CCSER1: variants seen among roughly 807,000 people sequenced by gnomAD.
The protein encoded by CCSER1 is coiled-coil serine rich protein 1, also known as serine-rich coiled-coil domain-containing protein 1.
A neutral mutation model predicts 82.0 loss-of-function variants in CCSER1; 41 were observed. The ratio of observed to expected loss-of-function variants is 0.50; its 90% CI spans 0.39 to 0.65. CCSER1 has a LOEUF of 0.65. Ranked by LOEUF, CCSER1 falls within the 30% of genes least tolerant of loss-of-function variation. CCSER1 has a pLI of 0.00. For missense variants in CCSER1, 1,119 were observed against 1,064.2 expected (o/e 1.05, Z -0.72); for synonymous variants, 414 against 383.9 (o/e 1.08, Z -0.92).
chr4:90,160,447 A>G (rs557784587), intron 1 of CCSER1, among the ~76,000 whole-genome samples: 2 of 152,330 alleles, frequency 1.3e-5, no homozygotes, highest in African/African-American at 2.4e-5. Context: ...TAGGAGGACT[A>G]TCAGGAGATT....
At chr4:90,700,374 A>G (rs1737829847) in intron 6 of CCSER1, among the ~76,000 whole-genome samples, 1 of 152,050 alleles carries the variant, frequency 6.6e-6, no homozygotes, top group African/African-American at 2.4e-5. Flanking sequence ...ACATTTTCTT[A>G]ATTCAGTCTA....
intron 6 of CCSER1, among the ~76,000 whole-genome samples, chr4:90,649,250 G>A (rs1053635935): frequency 6.6e-6 from 1 of 152,162 alleles, no homozygotes; most frequent in Non-Finnish European, 1.5e-5. Flanking sequence ...AGAATATGGA[G>A]TGTGGCAGTG....
At chr4:91,585,389 A>G (rs1187782395) in intron 10 of CCSER1, among the ~76,000 whole-genome samples, 2 of 151,450 alleles carry the variant, frequency 1.3e-5, no homozygotes, top group Non-Finnish European at 3.0e-5. Context: ...TTTGTCAAAC[A>G]CTTACTTTAT....
chr4:90,588,301 CCCTGCT>C (rs1782266532), intron 5 of CCSER1, among the ~76,000 whole-genome samples: 1 of 152,298 alleles, frequency 6.6e-6, no homozygotes. Flanking sequence ...TCCTCTTAAA[CCCTGCT>C]CCTGCTTTAT....
intron 5 of CCSER1, among the ~76,000 whole-genome samples, chr4:90,593,165 C>T (rs187532528): frequency 1.3e-5 from 2 of 152,102 alleles, no homozygotes; most frequent in East Asian, 3.9e-4. Flanking sequence ...TTAATCACAT[C>T]ATAGGAAAAC....
chr4:90,607,898 A>C (rs1156334286), intron 5 of CCSER1, among the ~76,000 whole-genome samples: 1 of 152,042 alleles, frequency 6.6e-6, no homozygotes, highest in Non-Finnish European at 1.5e-5. Context: ...TGAAAGAAAG[A>C]CTCCACTTAA....
intron 6 of CCSER1, among the ~76,000 whole-genome samples, chr4:90,673,881 C>T (rs951272814): frequency 2.0e-5 from 3 of 151,974 alleles, no homozygotes; most frequent in African/African-American, 7.2e-5. Context: ...TAAATTTAGC[C>T]AGTAATTGGG....
chr4:90,859,939 G>T (rs892223325), intron 8 of CCSER1, among the ~76,000 whole-genome samples: 2 of 151,426 alleles, frequency 1.3e-5, no homozygotes, highest in Non-Finnish European at 3.0e-5. Flanking sequence ...TTAAAAATTT[G>T]ATATAATTTT....
At chr4:90,213,641 G>T (rs1740455330) in intron 1 of CCSER1, among the ~76,000 whole-genome samples, 1 of 152,178 alleles carries the variant, frequency 6.6e-6, no homozygotes, top group Non-Finnish European at 1.5e-5. Context: ...AATGCTTGGT[G>T]AGGGACAAGC....
chr4:91,154,242 T>A (rs2148960874), intron 10 of CCSER1, among the ~76,000 whole-genome samples: 1 of 152,112 alleles, frequency 6.6e-6, no homozygotes. Context: ...TGCTGCCACC[T>A]TGCAGTTTGA....
intron 10 of CCSER1, among the ~76,000 whole-genome samples, chr4:91,237,682 G>A (rs938648505): frequency 1.9e-4 from 29 of 152,076 alleles, no homozygotes; most frequent in African/African-American, 7.0e-4. Context: ...TGAAGGTTCA[G>A]GGCAAACTCT....
chr4:90,459,941 T>C (rs554172556), intron 4 of CCSER1, among the ~76,000 whole-genome samples: 2 of 152,342 alleles, frequency 1.3e-5, no homozygotes, highest in African/African-American at 4.8e-5. Flanking sequence ...ATGGAGTTCA[T>C]AACTTTTGCT....
intron 1 of CCSER1, among the ~76,000 whole-genome samples, chr4:90,151,327 A>G (rs954507759): frequency 4.6e-5 from 7 of 152,076 alleles, no homozygotes; most frequent in Non-Finnish European, 7.4e-5. Context: ...TGGTTTCTTC[A>G]TAAAGATATA....
chr4:90,161,002 C>T (rs985913520), intron 1 of CCSER1, among the ~76,000 whole-genome samples: 4 of 151,978 alleles, frequency 2.6e-5, no homozygotes, highest in African/African-American at 4.8e-5. Flanking sequence ...AATCCAGCTG[C>T]CAAAAAGATA....
In CCSER1 at chr4:90,215,244, A is replaced by G. The variant is rs1003602649; in HGVS notation, c.-42+87413A>G. Reference sequence around the variant, plus strand: ...AGTGAAGCATTATCATCAGCAATACATGATTACATTGTAGCCTTTCTTTAC... The same window carrying G: ...AGTGAAGCATTATCATCAGCAATACGTGATTACATTGTAGCCTTTCTTTAC... On this transcript the variant is annotated intron_variant, in intron 1 of 10. Coordinates refer to ENST00000509176, the MANE Select transcript of CCSER1 (RefSeq NM_001145065.2). Among the ~76,000 whole-genome samples, 2 of 152,334 alleles carry G rather than the reference A, an allele frequency of 1.3e-5. 1 individual carries two copies. The highest frequency in any genetic ancestry group is 6.8e-3 in the Middle Eastern group (2 of 294).
At chr4:91,042,767 C>G (rs1377760507) in intron 9 of CCSER1, among the ~76,000 whole-genome samples, 1 of 151,948 alleles carries the variant, frequency 6.6e-6, no homozygotes, top group Non-Finnish European at 1.5e-5. Context: ...AGTCAGGAAT[C>G]TAACACATTA....
At chr4:90,845,069 G>A (rs540684154) in intron 8 of CCSER1, among the ~76,000 whole-genome samples, 1 of 152,106 alleles carries the variant, frequency 6.6e-6, no homozygotes, top group Non-Finnish European at 1.5e-5. Context: ...AGCTCTTAAA[G>A]AATATTTGTT....
chr4:91,197,556 A>C (rs1001131031), intron 10 of CCSER1, among the ~76,000 whole-genome samples: 5 of 152,182 alleles, frequency 3.3e-5, no homozygotes, highest in Non-Finnish European at 7.3e-5. Flanking sequence ...TAGTGTAAAA[A>C]TTTTTGTTAA....
intron 10 of CCSER1, among the ~76,000 whole-genome samples, chr4:91,162,920 T>C (rs1731594817): frequency 1.3e-5 from 2 of 152,192 alleles, no homozygotes; most frequent in Admixed American, 1.3e-4. Context: ...GTTTTTTGTG[T>C]CTCTATCTCC....
Sources: gnomAD v4.1 joint callset for allele counts (sites outside exome capture counted in the v4.1 genomes callset) on GRCh38, gnomAD v4.1.1 for gene constraint, MANE v1.5 for transcripts, NCBI Gene and HGNC (gene_info 2026-07-23, HGNC 2026-07-21) for gene names.